The following DMD variants were observed in gnomAD, a reference collection of about 807,000 sequenced individuals.
The protein encoded by DMD is mutant dystrophin.
Under a neutral mutation model 330.1 loss-of-function variants are expected in DMD, and 63 were observed. The ratio of observed to expected loss-of-function variants is 0.19; its 90% CI spans 0.16 to 0.24. The LOEUF (loss-of-function observed/expected upper bound fraction) is 0.24, where lower values mean the gene tolerates loss of function less well. DMD is among the 10% of genes least tolerant of loss of function. The pLI, the probability that DMD is intolerant of heterozygous loss-of-function variation, is 1.00. For missense variants in DMD, 3,344 were observed against 2,684.1 expected (o/e 1.25, Z -5.43); for synonymous variants, 1,223 against 959.8 (o/e 1.27, Z -5.07).
rs2092105608 is a variant in DMD, at chrX:31,802,303, A to G, written c.7309+17672T>C. Among the ~76,000 whole-genome samples, 4 of 111,054 alleles carry G rather than the reference A, an allele frequency of 3.6e-5. No homozygotes were observed. The South Asian group carries it at 1.5e-3, about 43-fold the overall frequency. ...CATAGGAGAGAAGAAATGAATGAGG[A>G]GAGATTAGGTTTGGATGACAGTATT... On this transcript the variant is annotated intron_variant, in intron 50 of 78. Transcript: ENST00000357033.
intron 53 of DMD, among the ~76,000 whole-genome samples, chrX:31,665,602 T>A (rs995854676): frequency 3.6e-5 from 4 of 111,797 alleles, no homozygotes; most frequent in Non-Finnish European, 7.5e-5. Flanking sequence ...GCATACTATT[T>A]AAGAAAATGG....
At chrX:32,820,453 AT>A (rs766866176) in intron 5 of DMD, among the ~76,000 whole-genome samples, 1,257 of 111,945 alleles carry the variant, frequency 0.011, 16 homozygotes, top group African/African-American at 0.038. Context: ...AAAATAAAAA[AT>A]AAAAAAATAA....
intron 60 of DMD, among the ~76,000 whole-genome samples, chrX:31,417,432 C>T (rs953693846): frequency 2.8e-5 from 3 of 107,644 alleles, no homozygotes; most frequent in Non-Finnish European, 5.8e-5. Flanking sequence ...GCTGGGACTA[C>T]GGGTGTGCAC....
chrX:31,233,277 T>G (rs2047395109), intron 63 of DMD, among the ~76,000 whole-genome samples: 1 of 111,722 alleles, frequency 9.0e-6, no homozygotes, highest in South Asian at 3.7e-4. Context: ...TGACACAAAC[T>G]TATAAATTTA....
chrX:33,318,212 G>A (rs2053960681), intron 1 of DMD, among the ~76,000 whole-genome samples: 1 of 109,869 alleles, frequency 9.1e-6, no homozygotes, highest in Non-Finnish European at 1.9e-5. Context: ...TCTATCTTAG[G>A]TATATATGGA....
chrX:32,602,397 C>G (rs892534496), intron 12 of DMD, among the ~76,000 whole-genome samples: 1 of 111,383 alleles, frequency 9.0e-6, no homozygotes, highest in Admixed American at 9.6e-5. Flanking sequence ...TTATAAAATG[C>G]CTTTACTGAA....
intron 55 of DMD, among the ~76,000 whole-genome samples, chrX:31,545,123 T>C (rs1287661262): frequency 1.8e-5 from 2 of 111,896 alleles, no homozygotes; most frequent in African/African-American, 6.5e-5. Flanking sequence ...ACTGGGTTTG[T>C]AAAATATCGT....
chrX:31,143,374 G>A (rs1436888882), intron 76 of DMD, among the ~76,000 whole-genome samples: 2 of 111,041 alleles, frequency 1.8e-5, no homozygotes, highest in Non-Finnish European at 3.8e-5. Context: ...CACATGCCTT[G>A]CTTCCCCTTC....
chrX:31,218,113 T>A (rs1197066166), intron 64 of DMD, among the ~76,000 whole-genome samples: 1 of 111,678 alleles, frequency 9.0e-6, no homozygotes, highest in Admixed American at 9.5e-5. Flanking sequence ...TGAATGGAAT[T>A]TTTTTTGAGC....
chrX:32,594,007 C>T (rs750796337), intron 13 of DMD, among the ~76,000 whole-genome samples: 3 of 112,218 alleles, frequency 2.7e-5, no homozygotes, highest in Non-Finnish European at 5.6e-5. Context: ...TAAGCTATGT[C>T]ATCTTTCAGA....
chrX:32,287,676 C>A lies in DMD; in HGVS notation c.6143G>T (p.Ser2048Ile). ...ATGAATAATGTCAATCCGACCTGAG[C>A]TTTGTTGTAGACTATCTTTTATATT... ...LKNIKDSLQQ[S>I]SGRIDIIHSK... is the part of the protein sequence containing the mutation. Residue 2048 changes from serine to isoleucine, a missense_variant, in exon 43 of 79, where the codon AGC becomes ATC. Transcript: ENST00000357033. 1 of 1,206,511 alleles carries A rather than the reference C, an allele frequency of 8.3e-7. No individual in the cohort carries two copies.
intron 50 of DMD, among the ~76,000 whole-genome samples, chrX:31,778,224 G>T (rs367935007): frequency 2.6e-4 from 29 of 111,672 alleles, no homozygotes; most frequent in Middle Eastern, 4.6e-3. Flanking sequence ...AGTCTTTAAC[G>T]TTTTCTTACT....
At chrX:32,898,472 C>A (rs749513049) in intron 2 of DMD, among the ~76,000 whole-genome samples, 1 of 112,185 alleles carries the variant, frequency 8.9e-6, no homozygotes, top group East Asian at 2.8e-4. Context: ...AACATTACTG[C>A]GCTTTGTGAA....
chrX:31,542,329 T>C (rs998131796), intron 55 of DMD, among the ~76,000 whole-genome samples: 2 of 111,905 alleles, frequency 1.8e-5, no homozygotes, highest in Non-Finnish European at 3.8e-5. Flanking sequence ...CGGAATGGCA[T>C]GTACGATAAC....
At chrX:32,725,239 G>C (rs991695418) in intron 7 of DMD, among the ~76,000 whole-genome samples, 12 of 111,015 alleles carry the variant, frequency 1.1e-4, no homozygotes, top group African/African-American at 3.6e-4. Context: ...AGTATGGCTT[G>C]AGAGAGGGAT....
chrX:31,725,396 G>A (rs1457559963), intron 52 of DMD, among the ~76,000 whole-genome samples: 1 of 110,871 alleles, frequency 9.0e-6, no homozygotes, highest in Non-Finnish European at 1.9e-5. Context: ...GGGTGGTGGT[G>A]GGGGGCGAAA....
intron 57 of DMD, among the ~76,000 whole-genome samples, chrX:31,486,696 AG>A (rs1162098170): frequency 8.9e-6 from 1 of 112,075 alleles, no homozygotes; most frequent in Non-Finnish European, 1.9e-5. Flanking sequence ...GATACCGAGC[AG>A]GCATAGAACA....
At position 33,200,330 on chromosome X, in the gene DMD, T is replaced by C. The variant is rs149375530; in HGVS notation, c.31+10952A>G. On this transcript the variant is annotated intron_variant, in intron 1 of 78. Coordinates refer to ENST00000357033, the MANE Select transcript of DMD (RefSeq NM_004006.3). ...GTATTCAGTGTTGTATTATTTATCA[T>C]GTTACTGATCTTATCAGTAAAGCCA... 7.9e-3 allele frequency among the ~76,000 whole-genome samples: 885 copies of C among 111,419 alleles called. 4 individuals carry two copies. Among genetic ancestry groups the C allele is most frequent in the Middle Eastern group, 0.019 (4 of 210 alleles).
chrX:31,509,920 C>T (rs1413335792), intron 55 of DMD, among the ~76,000 whole-genome samples: 1 of 112,025 alleles, frequency 8.9e-6, no homozygotes, highest in African/African-American at 3.2e-5. Flanking sequence ...ATATTACCAA[C>T]TAAATATTGA....
Sources: gnomAD v4.1 joint callset for allele counts (sites outside exome capture counted in the v4.1 genomes callset) on GRCh38, gnomAD v4.1.1 for gene constraint, MANE v1.5 for transcripts, NCBI Gene and HGNC (gene_info 2026-07-23, HGNC 2026-07-21) for gene names.